USP2: variants seen among roughly 807,000 people sequenced by gnomAD.
The protein encoded by USP2 is ubiquitin carboxyl-terminal hydrolase 2.
In USP2, 33 loss-of-function variants were observed where a neutral mutation model predicts 72.0. That is an observed-to-expected ratio of 0.46 (90% CI 0.35 to 0.61). USP2 has a LOEUF of 0.61. USP2 is among the 20% of genes least tolerant of loss of function. USP2 has a pLI of 0.01. For synonymous variants in USP2, 296 were observed against 312.5 expected (o/e 0.95, Z 0.56); for missense variants, 691 against 797.8 (o/e 0.87, Z 1.61).
At position 119,357,564 on chromosome 11, in the gene USP2, T is replaced by C; in HGVS notation, c.1528A>G (p.Ile510Val). The change falls in exon 11 of 13, where the codon ATC (isoleucine) becomes GTC (valine). Residue 510 changes from isoleucine to valine, a missense_variant. Ile to Val is a conservative substitution (Grantham distance 29, BLOSUM62 3). Coordinates refer to ENST00000260187, the MANE Select transcript of USP2 (RefSeq NM_004205.5). ...LHLKRFSESR[I>V]RTSKLTTFVN... The stretch of plus-strand genomic sequence containing the variant: ...AATGTTGTGAGCTTGCTGGTTCGGA[T>C]CCTGGATTCTGAGAACCGCTTCAGA... 6.2e-7 allele frequency: 1 copy of C among 1,614,194 alleles called. No homozygotes were observed. Among genetic ancestry groups the C allele is most frequent in the Non-Finnish European group, 8.5e-7 (1 of 1,180,038 alleles).
Position 119,359,237 on chromosome 11 carries a change from C to A in USP2, c.1055G>T (p.Gly352Val), listed in dbSNP as rs749037134. ...ATGTCTGCAAGGCCCTTACTTATAG[C>A]CAACAAAGCGCGGTGCGTATCTCTG... ...QIQRYAPRFV[G>V]YNQQDAQEFL... The change falls in exon 5 of 13, where the codon GGC becomes GTC. Residue 352 changes from glycine to valine, a missense_variant. Coordinates refer to ENST00000260187, the MANE Select transcript of USP2 (RefSeq NM_004205.5). 3 of 1,613,946 alleles carry A rather than the reference C, an allele frequency of 1.9e-6. No homozygotes were observed. The South Asian group carries it at 3.3e-5, about 18-fold the overall frequency.
chr11:119,365,168 C>T (rs1182206715), intron 2 of USP2, among the ~76,000 whole-genome samples: 2 of 152,134 alleles, frequency 1.3e-5, no homozygotes, highest in African/African-American at 4.8e-5. Flanking sequence ...TTTAAAAATA[C>T]TCCAAGAGGC....
chr11:119,357,114 G>A lies in USP2; in HGVS notation c.1730+73C>T, dbSNP rs1950673943. 4 of 1,471,314 alleles carry A rather than the reference G, an allele frequency of 2.7e-6. No individual in the cohort carries two copies. The Admixed American group carries it at 6.0e-5, about 22-fold the overall frequency. 91.1% of individuals were successfully genotyped at this position (1,471,314 alleles called of 1,614,324 possible). ...CGGGGGGTGGGAGGGGGGTGGGTTT[G>A]GGGGGAGGGTGGAGGAGTGGGGGGA... On this transcript the variant is annotated intron_variant, in intron 12 of 12. Coordinates refer to ENST00000260187, the MANE Select transcript of USP2 (RefSeq NM_004205.5).
At chr11:119,381,033 G>A (rs1168383550) in intron 1 of USP2, among the ~76,000 whole-genome samples, 2 of 152,148 alleles carry the variant, frequency 1.3e-5, no homozygotes, top group African/African-American at 4.8e-5. Flanking sequence ...CCTCTTTCTG[G>A]TTTGGGATTG....
At chr11:119,357,113 T>TGG in intron 12 of USP2, 74 bp downstream of exon 12, 1 of 682,634 alleles carries the variant, frequency 1.5e-6, no homozygotes, top group South Asian at 2.9e-5. Flanking sequence ...GGGGTGGGTT[T>TGG]GGGGGGAGGG....
chr11:119,373,610 C>G, intron 1 of USP2, 89 bp from the exon 2 acceptor site: 1 of 1,244,106 alleles, frequency 8.0e-7, no homozygotes, highest in South Asian at 1.6e-5. Context: ...GGGCCAGAAC[C>G]TCAGAGCTCC....
At chr11:119,361,512 A>G (rs1950764466) in intron 2 of USP2, among the ~76,000 whole-genome samples, 1 of 151,942 alleles carries the variant, frequency 6.6e-6, no homozygotes, top group African/African-American at 2.4e-5. Context: ...AGCCCTGATC[A>G]GAACAGGAGC....
rs1326239853 is a variant in USP2, at chr11:119,359,281, A to C, written c.1011T>G (p.Ser337=). Residue 337 remains serine, a synonymous_variant, in exon 5 of 13, where the codon TCT becomes TCG. Coordinates refer to ENST00000260187, the MANE Select transcript of USP2 (RefSeq NM_004205.5). Reference sequence around the variant, plus strand: ...ATCTCTGGATCTGGGTCTTGAACTCAGATGGGCTCACCACATCATTGGGGG... The same window carrying C: ...ATCTCTGGATCTGGGTCTTGAACTCCGATGGGCTCACCACATCATTGGGGG... ...TSSPNDVVSP[S]EFKTQIQRYA... 4.3e-6 allele frequency: 7 copies of C among 1,613,972 alleles called. No homozygotes were observed. In the African/African-American group the frequency reaches 9.3e-5, roughly 22 times the overall value.
rs1950724347 is a variant in USP2, at chr11:119,359,260, C to T, written c.1032G>A (p.Gln344=). The change falls in exon 5 of 13, where the codon CAG becomes CAA. Residue 344 remains glutamine, a synonymous_variant. Coordinates refer to ENST00000260187, the MANE Select transcript of USP2 (RefSeq NM_004205.5). ...VSPSEFKTQI[Q]RYAPRFVGYN... Reference sequence around the variant, plus strand: ...AGCCAACAAAGCGCGGTGCGTATCTCTGGATCTGGGTCTTGAACTCAGATG... The same window carrying T: ...AGCCAACAAAGCGCGGTGCGTATCTTTGGATCTGGGTCTTGAACTCAGATG... The T allele has an allele frequency of 3.7e-6, 6 of 1,614,022 alleles. No individual in the cohort carries two copies. The highest frequency in any genetic ancestry group is 1.6e-4 in the Middle Eastern group (1 of 6,062).
intron 7 of USP2, among the ~76,000 whole-genome samples, chr11:119,358,479 C>A (rs1464790937): frequency 2.0e-5 from 3 of 152,158 alleles, no homozygotes; most frequent in African/African-American, 7.2e-5. Context: ...CCATGCCTGG[C>A]TAATTTTTGC....
intron 2 of USP2, among the ~76,000 whole-genome samples, chr11:119,369,291 C>T (rs933760073): frequency 4.6e-5 from 7 of 152,000 alleles, no homozygotes; most frequent in Non-Finnish European, 8.8e-5. Flanking sequence ...CCCTGCCACC[C>T]GCCCCTGCCC....
At chr11:119,374,197 G>A (rs1243166356) in intron 1 of USP2, among the ~76,000 whole-genome samples, 1 of 152,214 alleles carries the variant, frequency 6.6e-6, no homozygotes, top group Non-Finnish European at 1.5e-5. Context: ...CACAGTGAGG[G>A]ACACTCACTT....
intron 1 of USP2, 123 bp from the exon 2 acceptor site, chr11:119,373,644 G>T (rs547725386): frequency 1.1e-5 from 11 of 980,092 alleles, no homozygotes; most frequent in Non-Finnish European, 1.6e-5. Context: ...CAAGAGGCAG[G>T]CTGGCTGCTG....
At chr11:119,379,910 C>CCT (rs1951040082) in intron 1 of USP2, among the ~76,000 whole-genome samples, 3 of 99,890 alleles carry the variant, frequency 3.0e-5, no homozygotes, top group Admixed American at 1.3e-4. Flanking sequence ...GGGAAGTGTT[C>CCT]CTTTCTCTTT....
At chr11:119,369,702 G>C (rs538258474) in intron 2 of USP2, among the ~76,000 whole-genome samples, 1 of 152,132 alleles carries the variant, frequency 6.6e-6, no homozygotes, top group East Asian at 1.9e-4. Context: ...CAGGGCGGGC[G>C]TGATTGTTCC....
At chr11:119,359,500 G>C (rs188713986) in intron 4 of USP2, 37 bp downstream of exon 4, 20 of 1,612,006 alleles carry the variant, frequency 1.2e-5, no homozygotes, top group Non-Finnish European at 1.5e-5. Context: ...AGGAGCATCC[G>C]GGGGTAGGCA....
chr11:119,367,106 T>G (rs1365372837), intron 2 of USP2, among the ~76,000 whole-genome samples: 1 of 152,166 alleles, frequency 6.6e-6, no homozygotes, highest in African/African-American at 2.4e-5. Context: ...TTCACTGCCA[T>G]TCTCGGAGTG....
At chr11:119,367,629 G>T (rs1565309548) in intron 2 of USP2, among the ~76,000 whole-genome samples, 1 of 152,194 alleles carries the variant, frequency 6.6e-6, no homozygotes, top group Non-Finnish European at 1.5e-5. Flanking sequence ...AGGAAGGTCT[G>T]CTTCCCTGCA....
intron 2 of USP2, among the ~76,000 whole-genome samples, chr11:119,371,760 A>G (rs967411861): frequency 1.3e-5 from 2 of 152,130 alleles, no homozygotes; most frequent in Non-Finnish European, 2.9e-5. Context: ...CCTTCTGCCC[A>G]TATGCTTGCC....
Sources: gnomAD v4.1 joint callset for allele counts (sites outside exome capture counted in the v4.1 genomes callset) on GRCh38, gnomAD v4.1.1 for gene constraint, MANE v1.5 for transcripts, NCBI Gene and HGNC (gene_info 2026-07-23, HGNC 2026-07-21) for gene names.